COBLL1: variants seen among roughly 807,000 people sequenced by gnomAD.
COBLL1 encodes cordon-bleu WH2 repeat protein like 1, also known as cordon-bleu protein-like 1.
A neutral mutation model predicts 94.8 loss-of-function variants in COBLL1; 50 were observed. The ratio of observed to expected loss-of-function variants is 0.53; its 90% CI spans 0.42 to 0.67. The LOEUF (loss-of-function observed/expected upper bound fraction) is 0.67. COBLL1 is among the 30% of genes least tolerant of loss of function. The pLI, the probability that COBLL1 is intolerant of heterozygous loss-of-function variation, is 0.00. For missense variants in COBLL1, 1,362 were observed against 1,348.7 expected (o/e 1.01, Z -0.15); for synonymous variants, 448 against 473.8 (o/e 0.95, Z 0.71).
At chr2:164,776,085 C>A (rs551098427) in intron 2 of COBLL1, among the ~76,000 whole-genome samples, 34 of 150,364 alleles carry the variant, frequency 2.3e-4, no homozygotes, top group Admixed American at 6.0e-4. Flanking sequence ...CTTCAACAAA[C>A]CCCCCCAGTC....
chr2:164,793,775 G>A (rs1436804985), intron 2 of COBLL1, among the ~76,000 whole-genome samples: 1 of 152,154 alleles, frequency 6.6e-6, no homozygotes, highest in East Asian at 1.9e-4. Context: ...ATTTGCATGA[G>A]GAACCATTTA....
At chr2:164,730,161 T>G in intron 3 of COBLL1, 46 bp from the exon 4 acceptor site, 1 of 1,497,964 alleles carries the variant, frequency 6.7e-7, no homozygotes, top group Non-Finnish European at 9.3e-7. Context: ...TTTGAGGATT[T>G]TCTTAGAATG....
intron 2 of COBLL1, among the ~76,000 whole-genome samples, chr2:164,806,443 CT>C (rs1684160091): frequency 6.6e-6 from 1 of 152,138 alleles, no homozygotes; most frequent in African/African-American, 2.4e-5. Flanking sequence ...AGGATGGCTT[CT>C]TTTTCATTTT....
chr2:164,722,132 G>C lies in COBLL1; in HGVS notation c.939C>G (p.Ile313Met), dbSNP rs942935320. Residue 313 changes from isoleucine to methionine, a missense_variant, in exon 7 of 14, where the codon ATC becomes ATG. Physicochemically the swap from Ile to Met is conservative, Grantham distance 10. Coordinates refer to ENST00000652658, the MANE Select transcript of COBLL1 (RefSeq NM_001365672.2). ...SQSVPQDLAH[I>M]QERPASCIVK... ...CTATACAAGAAGCAGGCCTCTCCTG[G>C]ATGTGTGCAAGGTCTTGGGGGACAC... is the stretch of plus-strand genomic sequence containing the variant. 5.6e-6 allele frequency: 9 copies of C among 1,613,840 alleles called. No homozygotes were observed. The African/African-American group carries it at 1.1e-4, about 19-fold the overall frequency.
chr2:164,694,215 C>A, intron 12 of COBLL1, 54 bp downstream of exon 12: 2 of 1,508,506 alleles, frequency 1.3e-6, no homozygotes, highest in South Asian at 1.3e-5. Context: ...TGTTAACCCC[C>A]ATTAAACCAT....
chr2:164,658,063 A>T (rs1027414712), intron 2 of COBLL1, among the ~76,000 whole-genome samples: 1 of 152,058 alleles, frequency 6.6e-6, no homozygotes, highest in African/African-American at 2.4e-5. Flanking sequence ...GCAACAGGTG[A>T]TTGGCTATTT....
intron 1 of COBLL1, among the ~76,000 whole-genome samples, chr2:164,668,595 C>T (rs1182229583): frequency 6.6e-6 from 1 of 152,196 alleles, no homozygotes; most frequent in African/African-American, 2.4e-5. Context: ...TTACCTGATG[C>T]AGGGTTGCCA....
intron 2 of COBLL1, among the ~76,000 whole-genome samples, chr2:164,802,817 A>AC (rs955017392): frequency 6.6e-6 from 1 of 152,204 alleles, no homozygotes; most frequent in African/African-American, 2.4e-5. Flanking sequence ...AACATTTTAA[A>AC]CTAAAACTCA....
Position 164,743,843 on chromosome 2 carries a change from G to T in COBLL1, c.74C>A (p.Pro25Gln). 1 of 1,577,616 alleles carries T rather than the reference G, an allele frequency of 6.3e-7. No individual in the cohort carries two copies. The highest frequency in any genetic ancestry group is 1.7e-5 in the Admixed American group (1 of 57,418). The change falls in exon 3 of 14, where the codon CCA (proline) becomes CAA (glutamine). Residue 25 changes from proline to glutamine, a missense_variant. Transcript: ENST00000652658. The part of the protein sequence containing the change: ...RKPKAKAPLP[P>Q]AETKYTDVSS... The stretch of plus-strand genomic sequence containing the variant: ...GACATCAGTATATTTGGTCTCAGCT[G>T]GAGGAAGTGGTGCCTTGGCTTTTGG...
intron 1 of COBLL1, among the ~76,000 whole-genome samples, chr2:164,672,044 G>A (rs1044130172): frequency 6.6e-6 from 1 of 152,182 alleles, no homozygotes; most frequent in South Asian, 2.1e-4. Context: ...TATTGATAGA[G>A]GTGTACGCTG....
intron 7 of COBLL1, among the ~76,000 whole-genome samples, chr2:164,721,630 A>G (rs1230713362): frequency 6.6e-6 from 1 of 152,238 alleles, no homozygotes; most frequent in Non-Finnish European, 1.5e-5. Flanking sequence ...TCCCTGGAGA[A>G]TCTGAGTCAG....
downstream of COBLL1, among the ~76,000 whole-genome samples, chr2:164,675,277 T>C (rs1386989089): frequency 6.6e-6 from 1 of 152,170 alleles, no homozygotes; most frequent in Non-Finnish European, 1.5e-5. Flanking sequence ...CAGCACCATG[T>C]CATAATTACA....
intron 2 of COBLL1, among the ~76,000 whole-genome samples, chr2:164,759,454 T>C (rs1056010851): frequency 1.3e-5 from 2 of 151,938 alleles, no homozygotes; most frequent in African/African-American, 2.4e-5. Context: ...AATTTATAGA[T>C]AAAAACATAA....
chr2:164,762,148 GT>G (rs1347321341), intron 2 of COBLL1, among the ~76,000 whole-genome samples: 4 of 152,194 alleles, frequency 2.6e-5, no homozygotes, highest in Non-Finnish European at 5.9e-5. Context: ...TGCTCAAATA[GT>G]TCAGCTGATT....
rs753233493 is a variant in COBLL1, at chr2:164,681,073, C to G, written c.*4873G>C. 1 of 152,112 alleles carries G rather than the reference C, an allele frequency of 6.6e-6. No individual in the cohort carries two copies. The highest frequency in any genetic ancestry group is 2.4e-5 in the African/African-American group (1 of 41,430). The allele number at this position is 152,112 out of a possible 1,614,324, so 9.4% of individuals were successfully genotyped here. On this transcript the variant is annotated 3_prime_UTR_variant, in exon 14 of 14. Coordinates refer to ENST00000652658, the MANE Select transcript of COBLL1 (RefSeq NM_001365672.2). ...ATCTGTGAGATTCTGGAGGAAACAG[C>G]GTTGTGGAACTGAACAGACTGAATC...
chr2:164,809,974 C>G (rs1057279334), intron 2 of COBLL1, among the ~76,000 whole-genome samples: 1 of 151,720 alleles, frequency 6.6e-6, no homozygotes, highest in Non-Finnish European at 1.5e-5. Context: ...AAAAAATCAT[C>G]TATCTTCTTT....
chr2:164,777,354 AC>A (rs1413025055), intron 2 of COBLL1, among the ~76,000 whole-genome samples: 4 of 152,042 alleles, frequency 2.6e-5, no homozygotes, highest in African/African-American at 7.3e-5. Flanking sequence ...ACACACACAC[AC>A]ACACATTACT....
intron 2 of COBLL1, chr2:164,773,854 A>G (rs1688332397): frequency 1.7e-6 from 1 of 575,202 alleles, no homozygotes; most frequent in South Asian, 3.4e-5. Flanking sequence ...TCTGGCAAAT[A>G]TGTAAAAGAA....
chr2:164,686,180 T>A (rs1683274902), intron 13 of COBLL1, 148 bp from the exon 14 acceptor site: 1 of 501,438 alleles, frequency 2.0e-6, no homozygotes, highest in Non-Finnish European at 3.5e-6. Context: ...CAAGAATAAA[T>A]GTTCATTCTA....
Sources: allele counts gnomAD v4.1 joint callset (sites outside exome capture counted in the v4.1 genomes callset), GRCh38; gene constraint gnomAD v4.1.1; transcripts MANE v1.5; gene names NCBI Gene and HGNC (gene_info 2026-07-23, HGNC 2026-07-21).